CBX7: variants seen among roughly 807,000 people sequenced by gnomAD.
The protein encoded by CBX7 is chromobox 7.
A neutral mutation model predicts 31.4 loss-of-function variants in CBX7; 14 were observed. The observed-to-expected ratio is 0.45, with a 90% CI of 0.29 to 0.70. The LOEUF is 0.70. Among genes scored for constraint, CBX7 ranks in the 30% least tolerant of loss-of-function variants. The pLI, the probability that CBX7 is intolerant of heterozygous loss-of-function variation, is 0.11. For missense variants in CBX7, 269 were observed against 351.9 expected, an observed-to-expected ratio of 0.76 and a Z score of 1.89; for synonymous variants, 159 against 152.6, an observed-to-expected ratio of 1.04 and a Z score of -0.31.
Position 39,136,351 on chromosome 22 carries a change from G to A in CBX7, c.247-1599C>T, listed in dbSNP as rs149733565. On this transcript the variant is annotated intron_variant, in intron 4 of 5. Transcript: ENST00000216133. ...CTCCTGGAATTCACACCTATGCGCC[G>A]TCCATTCCCACACCCAGTGCTGTGT... The A allele has an allele frequency of 1.3e-4, 20 of 152,386 alleles. No homozygotes were observed. In the East Asian group the frequency reaches 1.9e-3, roughly 15 times the overall value. 9.4% of individuals were successfully genotyped at this position (152,386 alleles called of 1,614,324 possible).
chr22:39,143,180 G>A (rs887429510), intron 2 of CBX7, among the ~76,000 whole-genome samples: 4 of 151,960 alleles, frequency 2.6e-5, no homozygotes, highest in African/African-American at 9.7e-5. Flanking sequence ...CTTGAACCTG[G>A]GAGGCAGAGG....
In CBX7 at chr22:39,145,482, C is replaced by A. The variant is rs896441228; in HGVS notation, c.114-4046G>T. Among the ~76,000 whole-genome samples, 9 of 152,304 alleles carry A rather than the reference C, an allele frequency of 5.9e-5. No homozygotes were observed. The South Asian group carries it at 6.2e-4, about 11-fold the overall frequency. On this transcript the variant is annotated intron_variant, in intron 2 of 5. Transcript: ENST00000216133. ...CGCAAGTCCCAGGACACCCTTCCCA[C>A]ACCAGGGGAGGGAGAGTGGAAAGGA... is the stretch of plus-strand genomic sequence containing the variant.
At chr22:39,140,311 C>T (rs1930408729) in intron 3 of CBX7, among the ~76,000 whole-genome samples, 1 of 152,322 alleles carries the variant, frequency 6.6e-6, no homozygotes, top group East Asian at 1.9e-4. Context: ...GATACCTGTC[C>T]ACTGCTCTCC....
chr22:39,140,797 G>C (rs968266357), intron 3 of CBX7, among the ~76,000 whole-genome samples: 2 of 152,102 alleles, frequency 1.3e-5, no homozygotes, highest in Non-Finnish European at 2.9e-5. Context: ...GAGGGGCCCT[G>C]GCAGAGGTGG....
intron 2 of CBX7, chr22:39,147,157 G>A (rs190371174): frequency 2.2e-5 from 3 of 137,304 alleles, no homozygotes; most frequent in Admixed American, 8.1e-5. Flanking sequence ...AGGCTGGAGT[G>A]CAGTGGCACG....
At chr22:39,142,647 G>C (rs911494600) in intron 2 of CBX7, among the ~76,000 whole-genome samples, 2 of 152,214 alleles carry the variant, frequency 1.3e-5, no homozygotes, top group African/African-American at 4.8e-5. Context: ...TGCCTTTAGA[G>C]GAGCTTTTTT....
intron 4 of CBX7, chr22:39,136,891 C>T (rs1930273982): frequency 6.6e-6 from 1 of 152,206 alleles, no homozygotes; most frequent in South Asian, 2.1e-4. Flanking sequence ...ATGCCAAACC[C>T]AATGGAACAT....
chr22:39,143,765 TCA>T (rs1184376626), intron 2 of CBX7, among the ~76,000 whole-genome samples: 1 of 152,238 alleles, frequency 6.6e-6, no homozygotes, highest in Non-Finnish European at 1.5e-5. Flanking sequence ...TATTCAGTAG[TCA>T]CACGCTGTGC....
rs112375297 is a variant in CBX7 at position 39,137,365 on chromosome 22, G to A, written c.246+1271C>T. ...GTTGGGGTGGGGGGGCGGGGCGGCA[G>A]GGGACGGAGTTTCACTCTTATCACC... On this transcript the variant is annotated intron_variant, in intron 4 of 5. Transcript: ENST00000216133. 1.0e-2 allele frequency among the ~76,000 whole-genome samples: 1,511 copies of A among 151,708 alleles called. 15 individuals are homozygous for A. The highest frequency in any genetic ancestry group is 0.018 in the Non-Finnish European group (1,192 of 67,830).
rs1364106012 is a variant in CBX7, at chr22:39,131,299, G to A, written c.*2592C>T. The A allele has an allele frequency of 6.5e-6, 1 of 152,676 alleles. No individual in the cohort carries two copies. The highest frequency in any genetic ancestry group is 1.5e-5 in the Non-Finnish European group (1 of 68,100). 9.5% of individuals were successfully genotyped at this position (152,676 alleles called of 1,614,324 possible). ...CAAAGCGGGTGGGGGCTGGGGGAAA[G>A]AAAGGCAGATGGGCAAATGCTTTCT... On this transcript the variant is annotated 3_prime_UTR_variant, in exon 6 of 6. Coordinates refer to ENST00000216133, the MANE Select transcript of CBX7 (RefSeq NM_175709.5).
At chr22:39,138,809 C>A in intron 3 of CBX7, 107 bp from the exon 4 acceptor site, 3 of 1,010,920 alleles carry the variant, frequency 3.0e-6, no homozygotes, top group Non-Finnish European at 3.1e-6. Context: ...GGAGGGGACA[C>A]TCCCCACAGG....
At position 39,152,519 on chromosome 22, in the gene CBX7, C is replaced by G. The variant is rs561943857; in HGVS notation, c.-75G>C. 2.6e-5 allele frequency: 17 copies of G among 653,300 alleles called. No individual in the cohort carries two copies. Among genetic ancestry groups the G allele is most frequent in the Non-Finnish European group, 3.0e-5 (16 of 527,526 alleles). 40.5% of individuals were successfully genotyped at this position (653,300 alleles called of 1,614,324 possible). On this transcript the variant is annotated 5_prime_UTR_variant, in exon 1 of 6. Coordinates refer to ENST00000216133, the MANE Select transcript of CBX7 (RefSeq NM_175709.5). This position sits in a 1 kb window ranked among gnomAD's most constrained non-coding sequence, Gnocchi z 4.9. The stretch of plus-strand genomic sequence containing the variant: ...GCTGCGGGGCCGCGGCTGCGGCGCG[C>G]GATGCTGGGGCTGGCGGGGTCCCCG...
intron 5 of CBX7, 99 bp from the exon 6 acceptor site, chr22:39,134,147 C>T (rs1930154619): frequency 7.8e-7 from 1 of 1,279,528 alleles, no homozygotes; most frequent in East Asian, 2.4e-5. Context: ...CTCTCTGTGT[C>T]TTCAGTCAGC....
intron 1 of CBX7, among the ~76,000 whole-genome samples, chr22:39,151,888 T>TA (rs1056581804): frequency 9.5e-6 from 1 of 104,798 alleles, no homozygotes; most frequent in Non-Finnish European, 1.9e-5. Context: ...TCGGGTGGCG[T>TA]AGAGGGGGCA....
intron 2 of CBX7, chr22:39,147,510 C>T (rs1234212849): frequency 1.3e-5 from 2 of 152,192 alleles, no homozygotes; most frequent in African/African-American, 2.4e-5. Context: ...GCCTGGAGGA[C>T]ACAGCCTGCC....
intron 2 of CBX7, among the ~76,000 whole-genome samples, chr22:39,145,520 G>A (rs1930616676): frequency 6.6e-6 from 1 of 152,162 alleles, no homozygotes; most frequent in African/African-American, 2.4e-5. Context: ...CAGGGCTCTG[G>A]GGACACGCTC....
At chr22:39,136,787 GTGGATGGAGTATATTCATC>G (rs1241702727) in intron 4 of CBX7, 5 of 152,302 alleles carry the variant, frequency 3.3e-5, no homozygotes, top group Non-Finnish European at 5.9e-5. Flanking sequence ...GGCTTAGTAT[GTGGATGGAGTATATTCATC>G]TGTGAGGCAC....
intron 1 of CBX7, among the ~76,000 whole-genome samples, chr22:39,151,277 G>A (rs999309682): frequency 6.6e-6 from 1 of 152,200 alleles, no homozygotes; most frequent in Admixed American, 6.5e-5. Context: ...AATCAGAAGA[G>A]TAAAACCCCA....
intron 1 of CBX7, among the ~76,000 whole-genome samples, chr22:39,151,104 G>A (rs1225258876): frequency 6.6e-6 from 1 of 152,160 alleles, no homozygotes; most frequent in Non-Finnish European, 1.5e-5. Flanking sequence ...TGATGATCTC[G>A]CCCTCTTGTG....
Sources: allele counts gnomAD v4.1 joint callset (sites outside exome capture counted in the v4.1 genomes callset), GRCh38; gene constraint gnomAD v4.1.1; non-coding constraint Gnocchi (gnomAD v3.1); transcripts MANE v1.5; gene names NCBI Gene and HGNC (gene_info 2026-07-23, HGNC 2026-07-21).